The following BLOC1S3 variants were observed in gnomAD, a reference collection of about 807,000 sequenced individuals.
BLOC1S3 encodes the protein biogenesis of lysosomal organelles complex 1 subunit 3.
BLOC1S3 carries 7 observed loss-of-function variants against 9.1 expected under a neutral mutation model. The observed-to-expected ratio is 0.77, with a 90% CI of 0.44 to 1.45. BLOC1S3 has a LOEUF of 1.45. BLOC1S3 is among the 40% of genes most tolerant of loss of function. The probability of loss-of-function intolerance (pLI) is 0.01; values close to 1 mark genes in which losing one functional copy is unlikely to be tolerated. For missense variants in BLOC1S3, 307 were observed against 315.2 expected (o/e 0.97, Z 0.20); for synonymous variants, 145 against 158.4 (o/e 0.92, Z 0.64).
chr19:45,179,079 C>T lies in BLOC1S3; in HGVS notation c.-9-209C>T, dbSNP rs1969463503. 2 of 482,822 alleles carry T rather than the reference C, an allele frequency of 4.1e-6. No individual in the cohort carries two copies. The highest frequency in any genetic ancestry group is 6.9e-6 in the Non-Finnish European group (2 of 290,808). 29.9% of individuals were successfully genotyped at this position (482,822 alleles called of 1,614,324 possible). A position where few individuals can be genotyped will look rare whatever the true frequency, so the allele number is the denominator to read the frequency against. On this transcript the variant is annotated intron_variant, in intron 1 of 1. Coordinates refer to ENST00000433642, the MANE Select transcript of BLOC1S3 (RefSeq NM_212550.5). This position sits in a 1 kb window ranked among gnomAD's most constrained non-coding sequence, Gnocchi z 4.6. ...CCAGATCCTTGTTCGAGCTGGTCTT[C>T]AGTTTCCCCATCTGTACGCTGAAGA...
chr19:45,203,493 C>T (rs11881244), intron 3 of BLOC1S3, among the ~76,000 whole-genome samples: 2 of 152,050 alleles, frequency 1.3e-5, no homozygotes, highest in African/African-American at 2.4e-5. Flanking sequence ...AGGCTGGTCT[C>T]GAACTCCTGA....
At chr19:45,200,024 T>C (rs1969678236) in intron 2 of BLOC1S3, among the ~76,000 whole-genome samples, 1 of 151,236 alleles carries the variant, frequency 6.6e-6, no homozygotes, top group Admixed American at 6.6e-5. Context: ...CTTCAGCCTT[T>C]CAAAGTGCTG....
At chr19:45,199,966 A>C (rs1487894742) in intron 2 of BLOC1S3, among the ~76,000 whole-genome samples, 1 of 151,676 alleles carries the variant, frequency 6.6e-6, no homozygotes, top group African/African-American at 2.4e-5. Flanking sequence ...GGATTTCACT[A>C]TGTTGGCCAA....
At chr19:45,203,916 C>A (rs1357344835) in intron 3 of BLOC1S3, among the ~76,000 whole-genome samples, 2 of 152,086 alleles carry the variant, frequency 1.3e-5, no homozygotes, top group Non-Finnish European at 2.9e-5. Flanking sequence ...AGTCCCATCC[C>A]AAAATCTCAA....
intron 3 of BLOC1S3, among the ~76,000 whole-genome samples, chr19:45,209,062 T>G (rs1194368771): frequency 6.6e-6 from 1 of 151,946 alleles, no homozygotes; most frequent in Non-Finnish European, 1.5e-5. Context: ...TTTTGTTGTT[T>G]GTTTGAGATG....
chr19:45,183,908 T>C (rs1969547005), downstream of BLOC1S3, among the ~76,000 whole-genome samples: 1 of 152,080 alleles, frequency 6.6e-6, no homozygotes, highest in African/African-American at 2.4e-5. Flanking sequence ...GTGCTGGGAT[T>C]ACAGGCATGA....
At chr19:45,201,387 T>A (rs1969689575) in intron 2 of BLOC1S3, among the ~76,000 whole-genome samples, 1 of 152,164 alleles carries the variant, frequency 6.6e-6, no homozygotes, top group African/African-American at 2.4e-5. Flanking sequence ...AGTACCCTTG[T>A]GGCCACCACC....
At chr19:45,191,687 AG>A (rs1390326862) in intron 2 of BLOC1S3, among the ~76,000 whole-genome samples, 1 of 152,224 alleles carries the variant, frequency 6.6e-6, no homozygotes, top group South Asian at 2.1e-4. Flanking sequence ...AGACTTGTAG[AG>A]ACACTGCCTT....
At chr19:45,185,002 T>C (rs1969556738), downstream of BLOC1S3, among the ~76,000 whole-genome samples, 1 of 148,756 alleles carries the variant, frequency 6.7e-6, no homozygotes, top group Non-Finnish European at 1.5e-5. Context: ...GGAGGGGTCA[T>C]GGCATGTTTG....
chr19:45,188,109 G>A (rs1032859971), intron 2 of BLOC1S3, among the ~76,000 whole-genome samples: 3 of 151,990 alleles, frequency 2.0e-5, no homozygotes, highest in Admixed American at 2.0e-4. Context: ...TGCAACCTCT[G>A]CCTCCTGGGT....
chr19:45,184,115 C>G (rs893775120), downstream of BLOC1S3, among the ~76,000 whole-genome samples: 1 of 152,114 alleles, frequency 6.6e-6, no homozygotes, highest in African/African-American at 2.4e-5. Flanking sequence ...TTTTTCCCTC[C>G]CTCCTTCCTT....
chr19:45,214,220 C>G (rs1969809508), intron 3 of BLOC1S3, among the ~76,000 whole-genome samples: 1 of 152,164 alleles, frequency 6.6e-6, no homozygotes, highest in African/African-American at 2.4e-5. Flanking sequence ...AGAATCAGAA[C>G]TGACCACCCT....
intron 2 of BLOC1S3, among the ~76,000 whole-genome samples, chr19:45,188,197 AT>A (rs1223156224): frequency 1.3e-5 from 2 of 151,980 alleles, no homozygotes; most frequent in Non-Finnish European, 2.9e-5. Flanking sequence ...TAATTTTTGT[AT>A]TTTTAGTAGA....
chr19:45,179,736 C>A lies in BLOC1S3; in HGVS notation c.440C>A (p.Ala147Glu), dbSNP rs746337829. 1 of 1,458,936 alleles carries A rather than the reference C, an allele frequency of 6.9e-7. No individual in the cohort carries two copies. The highest frequency in any genetic ancestry group is 2.9e-5 in the East Asian group (1 of 34,748). 90.4% of individuals were successfully genotyped at this position (1,458,936 alleles called of 1,614,324 possible). A position where few individuals can be genotyped will look rare whatever the true frequency, so the allele number is the denominator to read the frequency against. The change falls in exon 2 of 2, where the codon GCG becomes GAG. Residue 147 changes from alanine (A) to glutamate (E), a missense_variant. Coordinates refer to ENST00000433642, the MANE Select transcript of BLOC1S3 (RefSeq NM_212550.5). This position sits in a 1 kb window ranked among gnomAD's most constrained non-coding sequence, Gnocchi z 4.6. Reference protein sequence around the residue: ...RDVAALASRLAAAQAAGLAAA... With the variant: ...RDVAALASRLEAAQAAGLAAA... ...GTGGCCGCCCTGGCTAGTAGGCTGG[C>A]GGCAGCCCAGGCGGCGGGGCTGGCG...
At chr19:45,215,723 C>T (rs1969825301) in intron 3 of BLOC1S3, among the ~76,000 whole-genome samples, 1 of 152,174 alleles carries the variant, frequency 6.6e-6, no homozygotes, top group African/African-American at 2.4e-5. Context: ...GCGCCTGCCG[C>T]TGTCCCAGTG....
chr19:45,185,679 A>G (rs577141536), downstream of BLOC1S3, among the ~76,000 whole-genome samples: 1 of 151,986 alleles, frequency 6.6e-6, no homozygotes, highest in South Asian at 2.1e-4. Flanking sequence ...CTTTGGCAGG[A>G]GGGAGAGCTG....
At chr19:45,213,737 G>A (rs1969803884) in intron 3 of BLOC1S3, among the ~76,000 whole-genome samples, 1 of 151,828 alleles carries the variant, frequency 6.6e-6, no homozygotes, top group Non-Finnish European at 1.5e-5. Context: ...CTGAGGTCAG[G>A]AGTTCGAGAC....
intron 3 of BLOC1S3, among the ~76,000 whole-genome samples, chr19:45,210,224 T>C (rs919819297): frequency 7.1e-6 from 1 of 141,002 alleles, no homozygotes; most frequent in Non-Finnish European, 1.6e-5. Context: ...TACAAATGAG[T>C]ATGAGGTTTC....
At chr19:45,183,475 CAA>C (rs56825766), downstream of BLOC1S3, among the ~76,000 whole-genome samples, 16 of 130,186 alleles carry the variant, frequency 1.2e-4, no homozygotes, top group Admixed American at 2.3e-4. Context: ...GACTCTGTCT[CAA>C]AAAAAAAAAA....
Sources: gnomAD v4.1 joint callset for allele counts (sites outside exome capture counted in the v4.1 genomes callset) on GRCh38, gnomAD v4.1.1 for gene constraint, Gnocchi (gnomAD v3.1) non-coding constraint, MANE v1.5 for transcripts, NCBI Gene and HGNC (gene_info 2026-07-23, HGNC 2026-07-21) for gene names.